Variants in SOX6 observed in about 807,000 individuals in gnomAD.
SOX6 encodes SRY-box transcription factor 6.
SOX6 carries 11 observed loss-of-function variants against 97.8 expected under a neutral mutation model. That is an observed-to-expected ratio of 0.11 (90% CI 0.07 to 0.19). SOX6 has a LOEUF of 0.19. SOX6 is among the 10% of genes least tolerant of loss of function. The probability of loss-of-function intolerance (pLI) is 1.00; values close to 1 mark genes in which losing one functional copy is unlikely to be tolerated. For synonymous variants in SOX6, 360 were observed against 371.4 expected (o/e 0.97, Z 0.35); for missense variants, 810 against 1,039.5 (o/e 0.78, Z 3.04).
At chr11:15,978,892 A>G (rs1853577149) in intron 15 of SOX6, among the ~76,000 whole-genome samples, 4 of 138,190 alleles carry the variant, frequency 2.9e-5, no homozygotes, top group Admixed American at 1.5e-4. Flanking sequence ...TATATAATAT[A>G]TATTATATAT....
In SOX6 at chr11:16,097,592, T is replaced by C. The variant is rs569854176; in HGVS notation, c.978+17A>G. On this transcript the variant is annotated intron_variant, in intron 8 of 15. Coordinates refer to ENST00000683767, the MANE Select transcript of SOX6 (RefSeq NM_001367873.1). ...AGTACTGGCTCATATCCCACATTTT[T>C]TTCTTCTGGCACTTACCTGGAGCTG... 2 of 1,609,924 alleles carry C rather than the reference T, an allele frequency of 1.2e-6. No individual in the cohort carries two copies. Among genetic ancestry groups the C allele is most frequent in the African/African-American group, 2.7e-5 (2 of 74,810 alleles).
At chr11:16,092,789 A>G (rs1848719640) in intron 9 of SOX6, among the ~76,000 whole-genome samples, 1 of 151,898 alleles carries the variant, frequency 6.6e-6, no homozygotes, top group African/African-American at 2.4e-5. Flanking sequence ...AACAAAATTA[A>G]GGGTCTATCA....
rs115263186 is a variant in SOX6 at position 16,424,615 on chromosome 11, A to G, written c.-5+51700T>C. Among the ~76,000 whole-genome samples, 1,110 of 152,302 alleles carry G rather than the reference A, an allele frequency of 7.3e-3. 16 individuals carry two copies. Among genetic ancestry groups the G allele is most frequent in the African/African-American group, 0.024 (993 of 41,556 alleles). On this transcript the variant is annotated intron_variant, in intron 1 of 15. Coordinates refer to the SOX6 transcript ENST00000396356. ...TTCTTCCTCTGAGAAAAAAGAGAAA[A>G]GATAGCTTTAAGTGGCAAAAGAACA...
At chr11:16,031,323 C>T (rs1278339965) in intron 12 of SOX6, 1 of 152,184 alleles carries the variant, frequency 6.6e-6, no homozygotes, top group Non-Finnish European at 1.5e-5. Flanking sequence ...ATAAATTTAA[C>T]TTTCTGAAGC....
upstream of SOX6, among the ~76,000 whole-genome samples, chr11:16,479,305 G>A (rs545213609): frequency 5.9e-5 from 9 of 152,216 alleles, no homozygotes; most frequent in South Asian, 2.1e-4. Flanking sequence ...TGAGGCAGGC[G>A]GATCACTTGA....
At chr11:16,376,602 G>A (rs957227775) in intron 1 of SOX6, among the ~76,000 whole-genome samples, 7 of 152,092 alleles carry the variant, frequency 4.6e-5, no homozygotes, top group African/African-American at 1.7e-4. Flanking sequence ...TATGCAAATT[G>A]AGTTTTAAAA....
intron 4 of SOX6, chr11:16,567,340 G>C (rs943070774): frequency 6.6e-6 from 1 of 152,316 alleles, no homozygotes; most frequent in African/African-American, 2.4e-5. Context: ...CTCATCCCTA[G>C]AGGATCCTCT....
At chr11:16,729,362 A>G (rs895204566) in intron 2 of SOX6, among the ~76,000 whole-genome samples, 1 of 152,220 alleles carries the variant, frequency 6.6e-6, no homozygotes, top group African/African-American at 2.4e-5. Flanking sequence ...GGAAGCCCAT[A>G]AGACTAACAG....
chr11:16,306,492 G>A (rs546012997), intron 3 of SOX6, among the ~76,000 whole-genome samples: 97 of 152,186 alleles, frequency 6.4e-4, no homozygotes, highest in African/African-American at 2.1e-3. Flanking sequence ...AAGTTATTCT[G>A]GATAGGAGGG....
intron 4 of SOX6, among the ~76,000 whole-genome samples, chr11:16,196,406 C>A (rs771326557): frequency 5.3e-5 from 8 of 152,192 alleles, no homozygotes; most frequent in Non-Finnish European, 7.3e-5. Flanking sequence ...ACCCAACAGA[C>A]AATGTAGCTG....
intron 4 of SOX6, among the ~76,000 whole-genome samples, chr11:16,191,272 T>C (rs1257474777): frequency 1.3e-5 from 2 of 152,006 alleles, no homozygotes; most frequent in African/African-American, 2.4e-5. Flanking sequence ...ATGGGCAACA[T>C]AGTAAGAACC....
At chr11:16,666,984 C>A (rs1032471364) in intron 3 of SOX6, among the ~76,000 whole-genome samples, 1 of 151,836 alleles carries the variant, frequency 6.6e-6, no homozygotes, top group Non-Finnish European at 1.5e-5. Context: ...TGCCTATAAT[C>A]CCAGCACATT....
intron 3 of SOX6, among the ~76,000 whole-genome samples, chr11:16,258,920 A>G (rs1346477379): frequency 6.6e-6 from 1 of 151,718 alleles, no homozygotes; most frequent in Non-Finnish European, 1.5e-5. Context: ...ACACACATAC[A>G]TATATGTATG....
intron 1 of SOX6, among the ~76,000 whole-genome samples, chr11:16,467,975 A>G (rs527284451): frequency 4.6e-5 from 7 of 152,314 alleles, no homozygotes; most frequent in African/African-American, 1.7e-4. Flanking sequence ...TTCAATATTA[A>G]TGAAAGCTAT....
intron 3 of SOX6, among the ~76,000 whole-genome samples, chr11:16,297,982 T>A (rs1855147820): frequency 6.6e-6 from 1 of 152,188 alleles, no homozygotes; most frequent in African/African-American, 2.4e-5. Context: ...CTTTTTTACT[T>A]TCTTTTTCTT....
chr11:16,582,620 A>C (rs1426342444), intron 4 of SOX6, among the ~76,000 whole-genome samples: 3 of 152,116 alleles, frequency 2.0e-5, no homozygotes, highest in East Asian at 1.9e-4. Flanking sequence ...TCAAAAAAAA[A>C]CCATAAAGAG....
intron 4 of SOX6, among the ~76,000 whole-genome samples, chr11:16,572,410 A>C (rs922900579): frequency 6.6e-6 from 1 of 152,246 alleles, no homozygotes; most frequent in Non-Finnish European, 1.5e-5. Context: ...AAATACTTTA[A>C]GCCATAATGC....
intron 10 of SOX6, among the ~76,000 whole-genome samples, chr11:16,051,653 C>T (rs1847689423): frequency 6.6e-6 from 1 of 152,134 alleles, no homozygotes; most frequent in Non-Finnish European, 1.5e-5. Flanking sequence ...CCTTTACTCA[C>T]ATCTAAATAA....
intron 3 of SOX6, among the ~76,000 whole-genome samples, chr11:16,678,316 C>T (rs552949482): frequency 6.6e-6 from 1 of 152,308 alleles, no homozygotes; most frequent in South Asian, 2.1e-4. Flanking sequence ...ACTAATTGAA[C>T]AGCATTCCTC....
Sources: gnomAD v4.1 joint callset for allele counts (sites outside exome capture counted in the v4.1 genomes callset) on GRCh38, gnomAD v4.1.1 for gene constraint, MANE v1.5 for transcripts, NCBI Gene and HGNC (gene_info 2026-07-23, HGNC 2026-07-21) for gene names.